The following GRIP1 variants were observed in gnomAD, a reference collection of about 807,000 sequenced individuals.
GRIP1 encodes the protein glutamate receptor interacting protein 1.
GRIP1 carries 45 observed loss-of-function variants against 129.9 expected under a neutral mutation model. The observed-to-expected ratio is 0.35, with a 90% CI of 0.27 to 0.44. The LOEUF (loss-of-function observed/expected upper bound fraction) is 0.44, where lower values mean the gene tolerates loss of function less well. Among genes scored for constraint, GRIP1 ranks in the 20% least tolerant of loss-of-function variants. The pLI is 1.00. For synonymous variants in GRIP1, 530 were observed against 520.8 expected, an observed-to-expected ratio of 1.02 and a Z score of -0.24; for missense variants, 1,196 against 1,396.8, an observed-to-expected ratio of 0.86 and a Z score of 2.29.
At chr12:66,457,834 T>G (rs898611426) in intron 9 of GRIP1, among the ~76,000 whole-genome samples, 9 of 152,160 alleles carry the variant, frequency 5.9e-5, no homozygotes, top group Non-Finnish European at 1.0e-4. Context: ...CCTCTTTGTA[T>G]GACCTTGGCC....
intron 23 of GRIP1, among the ~76,000 whole-genome samples, chr12:66,367,037 C>T (rs959111987): frequency 3.9e-4 from 60 of 152,256 alleles, no homozygotes; most frequent in African/African-American, 1.4e-3. Context: ...AACTTTCCAT[C>T]TACAAAAAAT....
chr12:66,797,252 G>C (rs915060455), intron 1 of GRIP1, among the ~76,000 whole-genome samples: 2 of 152,182 alleles, frequency 1.3e-5, no homozygotes, highest in Admixed American at 6.6e-5. Flanking sequence ...CTCTCTAAAT[G>C]AAAAGTAAGG....
chr12:66,847,545 C>T (rs2039839604), intron 1 of GRIP1, among the ~76,000 whole-genome samples: 1 of 152,114 alleles, frequency 6.6e-6, no homozygotes, highest in African/African-American at 2.4e-5. Context: ...TCAGATGTTG[C>T]TATCCATTAC....
chr12:66,809,452 C>T (rs1004147896), intron 1 of GRIP1, among the ~76,000 whole-genome samples: 1 of 152,114 alleles, frequency 6.6e-6, no homozygotes, highest in African/African-American at 2.4e-5. Flanking sequence ...CCAATAATCG[C>T]TGCAGCCTTC....
chr12:66,440,422 T>A (rs1170901952), intron 13 of GRIP1, among the ~76,000 whole-genome samples: 6 of 152,152 alleles, frequency 3.9e-5, no homozygotes, highest in Non-Finnish European at 8.8e-5. Context: ...CTTTCCAAAT[T>A]TTTTTTGGAC....
At chr12:66,603,966 T>A (rs2064394251) in intron 1 of GRIP1, among the ~76,000 whole-genome samples, 1 of 152,188 alleles carries the variant, frequency 6.6e-6, no homozygotes, top group African/African-American at 2.4e-5. Flanking sequence ...ACCCCTTAGC[T>A]AGTAAAGGTC....
At chr12:66,717,350 T>C (rs2035921384) in intron 1 of GRIP1, among the ~76,000 whole-genome samples, 1 of 151,182 alleles carries the variant, frequency 6.6e-6, no homozygotes, top group South Asian at 2.1e-4. Flanking sequence ...TATTGTTTAG[T>C]CATTTATAAT....
chr12:66,704,508 CAAAT>C (rs1263308642), intron 1 of GRIP1, among the ~76,000 whole-genome samples: 9 of 151,722 alleles, frequency 5.9e-5, no homozygotes, highest in Non-Finnish European at 1.0e-4. Context: ...ACACAAATAA[CAAAT>C]AAACACATGA....
At chr12:66,413,927 C>T (rs113093145) in intron 15 of GRIP1, among the ~76,000 whole-genome samples, 42 of 152,042 alleles carry the variant, frequency 2.8e-4, no homozygotes, top group African/African-American at 9.6e-4. Flanking sequence ...TCAATAATCT[C>T]GGTATTGAAG....
intron 1 of GRIP1, among the ~76,000 whole-genome samples, chr12:66,766,949 C>T (rs1443610855): frequency 6.6e-6 from 1 of 152,188 alleles, no homozygotes; most frequent in East Asian, 1.9e-4. Context: ...GGATTCACTG[C>T]TACTTCCCCT....
chr12:66,804,623 G>T (rs1049912102), upstream of GRIP1, among the ~76,000 whole-genome samples: 1 of 152,130 alleles, frequency 6.6e-6, no homozygotes, highest in Non-Finnish European at 1.5e-5. Flanking sequence ...CATCGGGGCG[G>T]GGGTATAGGA....
chr12:66,946,566 T>A (rs2041670641), intron 1 of GRIP1, among the ~76,000 whole-genome samples: 1 of 151,824 alleles, frequency 6.6e-6, no homozygotes, highest in Non-Finnish European at 1.5e-5. Flanking sequence ...TTCTCAAATT[T>A]TAGCTAGCAT....
intron 16 of GRIP1, among the ~76,000 whole-genome samples, chr12:66,401,655 CAT>C (rs1162705898): frequency 8.9e-4 from 130 of 145,494 alleles, no homozygotes; most frequent in African/African-American, 3.0e-3. Context: ...CACACACACA[CAT>C]ATATCTCCTC....
chr12:66,760,535 G>T (rs1592817859), intron 1 of GRIP1, among the ~76,000 whole-genome samples: 1 of 152,144 alleles, frequency 6.6e-6, no homozygotes, highest in Non-Finnish European at 1.5e-5. Context: ...AAACCCATCA[G>T]ATCTCATGAG....
intron 1 of GRIP1, among the ~76,000 whole-genome samples, chr12:66,621,814 T>C (rs1289284754): frequency 1.3e-5 from 2 of 152,158 alleles, no homozygotes; most frequent in African/African-American, 2.4e-5. Flanking sequence ...TATCTTACTA[T>C]GGTTTTGATT....
At chr12:66,526,209 C>A (rs1230773963) in intron 5 of GRIP1, among the ~76,000 whole-genome samples, 3 of 150,688 alleles carry the variant, frequency 2.0e-5, no homozygotes, top group Non-Finnish European at 4.4e-5. Flanking sequence ...AAAAAAGAGC[C>A]TGCATTGCCA....
chr12:66,509,824 G>A (rs574611203), intron 7 of GRIP1, among the ~76,000 whole-genome samples: 1 of 152,210 alleles, frequency 6.6e-6, no homozygotes, highest in East Asian at 1.9e-4. Context: ...AGAGCATCAG[G>A]AAGAATAGCT....
chr12:66,594,397 A>G (rs1253429114), intron 2 of GRIP1, among the ~76,000 whole-genome samples: 1 of 152,256 alleles, frequency 6.6e-6, no homozygotes, highest in Non-Finnish European at 1.5e-5. Context: ...AGGCTGTAAT[A>G]CAGCCCAGGA....
At chr12:66,803,245 T>A (rs893318177) in intron 1 of GRIP1, among the ~76,000 whole-genome samples, 2 of 152,200 alleles carry the variant, frequency 1.3e-5, no homozygotes, top group African/African-American at 4.8e-5. Flanking sequence ...TTTAGCTTTT[T>A]AAAAATGTAG....
Sources: allele counts gnomAD v4.1 joint callset (sites outside exome capture counted in the v4.1 genomes callset), GRCh38; gene constraint gnomAD v4.1.1; transcripts MANE v1.5; gene names NCBI Gene and HGNC (gene_info 2026-07-23, HGNC 2026-07-21).